The following PPARA variants were observed in gnomAD, a reference collection of about 807,000 sequenced individuals.
The protein encoded by PPARA is peroxisome proliferator-activated receptor alpha.
A neutral mutation model predicts 42.2 loss-of-function variants in PPARA; 22 were observed. The observed-to-expected ratio is 0.52, with a 90% CI of 0.37 to 0.74. PPARA has a LOEUF of 0.74. Ranked by LOEUF, PPARA falls within the 30% of genes least tolerant of loss-of-function variation. The probability of loss-of-function intolerance (pLI) is 0.00; values close to 1 mark genes in which losing one functional copy is unlikely to be tolerated. For missense variants in PPARA, 465 were observed against 608.2 expected (o/e 0.76, Z 2.48); for synonymous variants, 242 against 239.3 (o/e 1.01, Z -0.10).
rs529914691 is a variant in PPARA, at chr22:46,193,065, TTTG to T, written c.-42-5262_-42-5260del. ...TAAGACCCACTAGGTTTTTTGTTGT[TTTG>T]TTGTTGTTGTTGTTTTGAGACAGAG... On this transcript the variant is annotated intron_variant, in intron 3 of 8. Transcript: ENST00000407236. The surrounding 1 kb of genome is among the most constrained non-coding windows in gnomAD (Gnocchi z 5.3). Among the ~76,000 whole-genome samples, 3 of 152,054 alleles carry T rather than the reference TTTG, an allele frequency of 2.0e-5. No homozygotes were observed. Among genetic ancestry groups the T allele is most frequent in the Non-Finnish European group, 2.9e-5 (2 of 68,016 alleles).
rs556891428 is a variant in PPARA at position 46,190,783 on chromosome 22, G to A, written c.-42-7559G>A. 9.9e-5 allele frequency among the ~76,000 whole-genome samples: 15 copies of A among 152,116 alleles called. No individual in the cohort carries two copies. The highest frequency in any genetic ancestry group is 3.6e-4 in the African/African-American group (15 of 41,528). ...AAAAGTTTTGAGTGTGAAAATTCAA[G>A]CTCAATTCCATTTGTTGGTTGTCTT... On this transcript the variant is annotated intron_variant, in intron 3 of 8. Coordinates refer to ENST00000407236, the MANE Select transcript of PPARA (RefSeq NM_005036.6). The surrounding 1 kb of genome is among the most constrained non-coding windows in gnomAD (Gnocchi z 5.6).
Position 46,150,616 on chromosome 22 carries a change from C to T in PPARA, c.-246C>T, listed in dbSNP as rs1924230962. The T allele has an allele frequency of 7.0e-6, 1 of 143,712 alleles. No homozygotes were observed. The highest frequency in any genetic ancestry group is 2.5e-5 in the African/African-American group (1 of 40,038). The allele number at this position is 143,712 out of a possible 1,614,324, so 8.9% of individuals were successfully genotyped here. ...GCCCGGCGCCGCCTCCTTCGGCGTTCGCCCCACGGACCGGCAGGCGGCGGA... is the reference window on the plus strand; with the variant it reads ...GCCCGGCGCCGCCTCCTTCGGCGTTTGCCCCACGGACCGGCAGGCGGCGGA... On this transcript the variant is annotated 5_prime_UTR_variant, in exon 1 of 9. Coordinates refer to ENST00000407236, the MANE Select transcript of PPARA (RefSeq NM_005036.6). The surrounding 1 kb of genome is among the most constrained non-coding windows in gnomAD (Gnocchi z 7.5).
At position 46,227,245 on chromosome 22, in the gene PPARA, A is replaced by T. The variant is rs1357140317; in HGVS notation, c.712-4547A>T. On this transcript the variant is annotated intron_variant, in intron 7 of 8. Coordinates refer to ENST00000407236, the MANE Select transcript of PPARA (RefSeq NM_005036.6). This position sits in a 1 kb window ranked among gnomAD's most constrained non-coding sequence, Gnocchi z 4.3. ...GCAGTTCTACCAGTGCTTCACATTT[A>T]TTTTTTATTTATTTATTTATTTTTG... Among the ~76,000 whole-genome samples, 1 of 151,788 alleles carries T rather than the reference A, an allele frequency of 6.6e-6. No homozygotes were observed. Among genetic ancestry groups the T allele is most frequent in the African/African-American group, 2.4e-5 (1 of 41,202 alleles).
In PPARA at chr22:46,242,726, T is replaced by TGTGCGCGCGCGCGCGCGC. The variant is rs1354648994; in HGVS notation, c.*7347_*7348insTGCGCGCGCGCGCGCGCG. The TGTGCGCGCGCGCGCGCGC allele has an allele frequency of 7.7e-6, 1 of 130,440 alleles. No individual in the cohort carries two copies. Among genetic ancestry groups the TGTGCGCGCGCGCGCGCGC allele is most frequent in the African/African-American group, 3.5e-5 (1 of 28,850 alleles). The allele number at this position is 130,440 out of a possible 1,614,324, so 8.1% of individuals were successfully genotyped here. A position where few individuals can be genotyped will look rare whatever the true frequency, so the allele number is the denominator to read the frequency against. On this transcript the variant is annotated 3_prime_UTR_variant, in exon 9 of 9. Coordinates refer to ENST00000407236, the MANE Select transcript of PPARA (RefSeq NM_005036.6). The surrounding 1 kb of genome is among the most constrained non-coding windows in gnomAD (Gnocchi z 6.1). ...ATCTAAAATACACTGCGTACACGTG[T>TGTGCGCGCGCGCGCGCGC]GCGTGCACACACACACACACACACA...
chr22:46,205,519 C>CATATATATATAT, intron 4 of PPARA, among the ~76,000 whole-genome samples: 28 of 34,424 alleles, frequency 8.1e-4, no homozygotes, highest in East Asian at 1.1e-3. Context: ...CATGCCCAGC[C>CATATATATATAT]ATATATATAT....
At chr22:46,151,801 G>A (rs1468745707) in intron 1 of PPARA, 87 bp from the exon 2 acceptor site, 1 of 152,278 alleles carries the variant, frequency 6.6e-6, no homozygotes, top group Non-Finnish European at 1.5e-5. Flanking sequence ...GGCAGGGTCA[G>A]CATGACTTTC....
rs1930338202 is a variant in PPARA, at chr22:46,184,090, A to G, written c.-43+7254A>G. Among the ~76,000 whole-genome samples the G allele has an allele frequency of 6.6e-6, 1 of 152,238 alleles. No individual in the cohort carries two copies. Among genetic ancestry groups the G allele is most frequent in the Non-Finnish European group, 1.5e-5 (1 of 68,054 alleles). ...TTTATGACAGTGCCTGGCATAGGAT[A>G]AGGGCTCAAAAAGTGTTAGCTGGAA... On this transcript the variant is annotated intron_variant, in intron 3 of 8. Coordinates refer to ENST00000407236, the MANE Select transcript of PPARA (RefSeq NM_005036.6). This position sits in a 1 kb window ranked among gnomAD's most constrained non-coding sequence, Gnocchi z 4.4.
chr22:46,157,410 G>A (rs1925476766), intron 2 of PPARA, among the ~76,000 whole-genome samples: 3 of 152,072 alleles, frequency 2.0e-5, no homozygotes, highest in African/African-American at 4.8e-5. Flanking sequence ...GACCTCTGCA[G>A]CTTCCCCCAC....
At chr22:46,159,863 G>A (rs573565383) in intron 2 of PPARA, among the ~76,000 whole-genome samples, 73 of 152,310 alleles carry the variant, frequency 4.8e-4, no homozygotes, top group African/African-American at 1.7e-3. Context: ...AAGAACTTGC[G>A]TGACAAGTGA....
At position 46,235,444 on chromosome 22, in the gene PPARA, G is replaced by A. The variant is rs1017095636; in HGVS notation, c.*64G>A. The stretch of plus-strand genomic sequence containing the variant: ...AAGCTGACAGCACTACAAAGGAGAC[G>A]GGGGAGCAGCACGATTTTGCACAAA... On this transcript the variant is annotated 3_prime_UTR_variant, in exon 9 of 9. Transcript: ENST00000407236. The surrounding 1 kb of genome is among the most constrained non-coding windows in gnomAD (Gnocchi z 7.0). 1.9e-6 allele frequency: 3 copies of A among 1,591,160 alleles called. No homozygotes were observed. Among genetic ancestry groups the A allele is most frequent in the African/African-American group, 1.3e-5 (1 of 74,266 alleles).
rs1933945352 is a variant in PPARA, at chr22:46,211,681, TTC to T, written c.209-3484_209-3483del. Among the ~76,000 whole-genome samples, 1 of 152,186 alleles carries T rather than the reference TTC, an allele frequency of 6.6e-6. No individual in the cohort carries two copies. Among genetic ancestry groups the T allele is most frequent in the African/African-American group, 2.4e-5 (1 of 41,462 alleles). On this transcript the variant is annotated intron_variant, in intron 4 of 8. Coordinates refer to ENST00000407236, the MANE Select transcript of PPARA (RefSeq NM_005036.6). The surrounding 1 kb of genome is among the most constrained non-coding windows in gnomAD (Gnocchi z 4.1). ...TCATGTATCCACCACTACATTTTCC[TTC>T]TCTCTCTTTCTTGCTTTCTCGCCTT...
Position 46,191,488 on chromosome 22 carries a change from T to TG in PPARA, c.-42-6854_-42-6853insG, listed in dbSNP as rs201157510. Among the ~76,000 whole-genome samples, 6 of 148,820 alleles carry TG rather than the reference T, an allele frequency of 4.0e-5. No homozygotes were observed. The highest frequency in any genetic ancestry group is 1.6e-4 in the African/African-American group (6 of 38,480). ...CCTCCCTATTGTGTTCAGTATGGTTTTTTTTTTTTTTTTCCTTTTGCTGGC... is the reference window on the plus strand; with the variant it reads ...CCTCCCTATTGTGTTCAGTATGGTTTGTTTTTTTTTTTTTCCTTTTGCTGGC... On this transcript the variant is annotated intron_variant, in intron 3 of 8. Coordinates refer to ENST00000407236, the MANE Select transcript of PPARA (RefSeq NM_005036.6). The surrounding 1 kb of genome is among the most constrained non-coding windows in gnomAD (Gnocchi z 4.6).
Position 46,187,419 on chromosome 22 carries a change from C to G in PPARA, c.-43+10583C>G, listed in dbSNP as rs1335154616. ...TCATCCTAGACTCTGTCCCAGGTCC[C>G]TGGTCCAGGCAGCTGCCAGTTGTCA... On this transcript the variant is annotated intron_variant, in intron 3 of 8. Transcript: ENST00000407236. The surrounding 1 kb of genome is among the most constrained non-coding windows in gnomAD (Gnocchi z 4.9). 6.6e-6 allele frequency among the ~76,000 whole-genome samples: 1 copy of G among 152,220 alleles called. No homozygotes were observed. Among genetic ancestry groups the G allele is most frequent in the Non-Finnish European group, 1.5e-5 (1 of 68,040 alleles).
In PPARA at chr22:46,215,340, G is replaced by T; in HGVS notation, c.369+7G>T. 1.2e-6 allele frequency: 2 copies of T among 1,614,120 alleles called. No homozygotes were observed. The highest frequency in any genetic ancestry group is 1.7e-6 in the Non-Finnish European group (2 of 1,180,002). ...CGCGTGTGAAGGCTGCAAGGTAGAG[G>T]GGAGCTGGAACAGGGCCTGGTGGCC... On this transcript the variant is annotated splice_region_variant and intron_variant, in intron 5 of 8. Coordinates refer to ENST00000407236, the MANE Select transcript of PPARA (RefSeq NM_005036.6).
intron 2 of PPARA, among the ~76,000 whole-genome samples, chr22:46,169,423 A>C (rs1257573226): frequency 2.6e-5 from 4 of 151,726 alleles, no homozygotes; most frequent in Non-Finnish European, 5.9e-5. Context: ...TTTAGTAGAG[A>C]CGGGGTTTCA....
rs35345592 is a variant in PPARA, at chr22:46,168,351, C to CAAAAAA, written c.-126-8380_-126-8375dup. 1.5e-3 allele frequency among the ~76,000 whole-genome samples: 22 copies of CAAAAAA among 14,374 alleles called. 1 individual carries two copies. The highest frequency in any genetic ancestry group is 3.9e-3 in the African/African-American group (18 of 4,642). 9.4% of individuals were successfully genotyped at this position (14,374 alleles called of 152,430 possible). ...TGGACAACAGAGCGAGACTCCATCTCAAAAAAAAAAAAAAAAAAAAAAAAA... is the reference window on the plus strand; with the variant it reads ...TGGACAACAGAGCGAGACTCCATCTCAAAAAAAAAAAAAAAAAAAAAAAAAAAAAAA... On this transcript the variant is annotated intron_variant, in intron 2 of 8. Coordinates refer to ENST00000407236, the MANE Select transcript of PPARA (RefSeq NM_005036.6).
At chr22:46,217,576 A>G (rs906392955) in intron 5 of PPARA, among the ~76,000 whole-genome samples, 1 of 152,170 alleles carries the variant, frequency 6.6e-6, no homozygotes, top group Admixed American at 6.5e-5. Flanking sequence ...AAATTCTTAG[A>G]AAGTCTTTAG....
intron 7 of PPARA, among the ~76,000 whole-genome samples, chr22:46,228,586 G>A (rs972373171): frequency 1.3e-5 from 2 of 152,240 alleles, no homozygotes; most frequent in Non-Finnish European, 2.9e-5. Context: ...TCTGGGTCCT[G>A]TAAATTACGT....
At chr22:46,207,658 TA>T (rs1254653978) in intron 4 of PPARA, among the ~76,000 whole-genome samples, 7 of 112,622 alleles carry the variant, frequency 6.2e-5, no homozygotes, top group African/African-American at 2.2e-4. Context: ...TTATTATTAT[TA>T]TTATTATTAT....
Sources: gnomAD v4.1 joint callset for allele counts (sites outside exome capture counted in the v4.1 genomes callset) on GRCh38, gnomAD v4.1.1 for gene constraint, Gnocchi (gnomAD v3.1) non-coding constraint, MANE v1.5 for transcripts, NCBI Gene and HGNC (gene_info 2026-07-23, HGNC 2026-07-21) for gene names.